Variants in OCA2 observed in about 807,000 individuals in gnomAD.
OCA2 encodes P protein.
Under a neutral mutation model 100.2 loss-of-function variants are expected in OCA2, and 77 were observed. That is an observed-to-expected ratio of 0.77 (90% CI 0.64 to 0.93). OCA2 has a LOEUF of 0.93. Among genes scored for constraint, OCA2 ranks in the 40% least tolerant of loss-of-function variants. The probability of loss-of-function intolerance (pLI) is 0.00; values close to 1 mark genes in which losing one functional copy is unlikely to be tolerated. For synonymous variants in OCA2, 432 were observed against 439.2 expected (o/e 0.98, Z 0.21); for missense variants, 1,062 against 1,089.1 (o/e 0.98, Z 0.35).
intron 9 of OCA2, among the ~76,000 whole-genome samples, chr15:27,996,056 C>T (rs575377881): frequency 6.6e-6 from 1 of 152,098 alleles, no homozygotes; most frequent in Non-Finnish European, 1.5e-5. Flanking sequence ...CATGATCCGC[C>T]CACCTCAGCC....
chr15:28,030,657 TG>T (rs1368497435), intron 3 of OCA2, among the ~76,000 whole-genome samples: 3 of 152,174 alleles, frequency 2.0e-5, no homozygotes, highest in Non-Finnish European at 4.4e-5. Context: ...GGCTGCAGAC[TG>T]GGCTGGGGAG....
intron 23 of OCA2, among the ~76,000 whole-genome samples, chr15:27,806,625 G>T (rs984537906): frequency 6.6e-6 from 1 of 152,226 alleles, no homozygotes; most frequent in East Asian, 1.9e-4. Flanking sequence ...GCTCTCCTGC[G>T]CCTCGGCCTG....
rs191506982 is a variant in OCA2, at chr15:27,897,419, A to G, written c.2080-25497T>C. Among the ~76,000 whole-genome samples, 408 of 151,852 alleles carry G rather than the reference A, an allele frequency of 2.7e-3. 2 individuals carry two copies. Among genetic ancestry groups the G allele is most frequent in the African/African-American group, 9.5e-3 (394 of 41,408 alleles). On this transcript the variant is annotated intron_variant, in intron 19 of 23. Coordinates refer to ENST00000354638, the MANE Select transcript of OCA2 (RefSeq NM_000275.3). The stretch of plus-strand genomic sequence containing the variant: ...CAGGGACTTGGTGCCCTGCATTCCA[A>G]CCAGTCCAGCCATGGCTAAAAGGAG...
intron 1 of OCA2, among the ~76,000 whole-genome samples, chr15:28,084,724 T>A (rs914409681): frequency 6.6e-6 from 1 of 152,166 alleles, no homozygotes; most frequent in African/African-American, 2.4e-5. Context: ...GACTCAGGGC[T>A]GCAGCTTCTT....
intron 23 of OCA2, among the ~76,000 whole-genome samples, chr15:27,785,389 T>A (rs2032759890): frequency 6.6e-6 from 1 of 152,144 alleles, no homozygotes. Flanking sequence ...CATCAATATA[T>A]GAACGAATTA....
At chr15:27,757,695 G>C (rs2030495869) in intron 23 of OCA2, among the ~76,000 whole-genome samples, 1 of 152,170 alleles carries the variant, frequency 6.6e-6, no homozygotes, top group Non-Finnish European at 1.5e-5. Context: ...GTACCTAAGA[G>C]AGCTATGAGG....
chr15:27,958,046 T>A (rs1347251257), intron 15 of OCA2, among the ~76,000 whole-genome samples: 1 of 152,044 alleles, frequency 6.6e-6, no homozygotes, highest in African/African-American at 2.4e-5. Flanking sequence ...CACCAGGGCC[T>A]GTTGTGGGGT....
At chr15:27,906,935 G>A (rs2038201637) in intron 19 of OCA2, among the ~76,000 whole-genome samples, 1 of 152,168 alleles carries the variant, frequency 6.6e-6, no homozygotes, top group Non-Finnish European at 1.5e-5. Context: ...CATGGCAAAA[G>A]AGGAAGCAAG....
intron 19 of OCA2, among the ~76,000 whole-genome samples, chr15:27,920,994 A>G (rs1172991651): frequency 2.1e-5 from 3 of 142,852 alleles, no homozygotes; most frequent in Non-Finnish European, 4.6e-5. Flanking sequence ...GGAAGAGAAT[A>G]ATTTTTTTTA....
chr15:27,849,977 G>A (rs553778501), intron 22 of OCA2, among the ~76,000 whole-genome samples: 4 of 152,136 alleles, frequency 2.6e-5, no homozygotes, highest in African/African-American at 9.6e-5. Context: ...AGATTAAAAC[G>A]CTCCCAAGAC....
At chr15:27,872,875 A>T (rs956603983) in intron 19 of OCA2, among the ~76,000 whole-genome samples, 1 of 151,964 alleles carries the variant, frequency 6.6e-6, no homozygotes, top group African/African-American at 2.4e-5. Flanking sequence ...TTTTTAGTAG[A>T]GATGGGGCTT....
At chr15:27,754,873 C>T (rs964763966), downstream of OCA2, 1 of 171,264 alleles carries the variant, frequency 5.8e-6, no homozygotes, top group Non-Finnish European at 1.3e-5. Context: ...TACTCCAAAG[C>T]CTTTTATCAA....
rs778788354 is a variant in OCA2, at chr15:27,926,246, C to T, written c.1960G>A (p.Ala654Thr). 1 of 1,614,014 alleles carries T rather than the reference C, an allele frequency of 6.2e-7. No homozygotes were observed. Among genetic ancestry groups the T allele is most frequent in the South Asian group, 1.1e-5 (1 of 91,080 alleles). ...PGIHLDLGWI[A>T]ILGAIWLLIL... ...AGCAACCAGATGGCACCCAGAATAG[C>T]AATCCATCCTGAAAATAAGTAAATA... is the stretch of plus-strand genomic sequence containing the variant. Residue 654 changes from alanine to threonine, a missense_variant, in exon 19 of 24, where the codon GCT becomes ACT. Coordinates refer to ENST00000354638, the MANE Select transcript of OCA2 (RefSeq NM_000275.3).
intron 16 of OCA2, among the ~76,000 whole-genome samples, chr15:27,955,889 T>C (rs898520569): frequency 6.6e-6 from 1 of 152,050 alleles, no homozygotes; most frequent in African/African-American, 2.4e-5. Context: ...AGCCCACCCC[T>C]CCTGGCTGAC....
intron 1 of OCA2, among the ~76,000 whole-genome samples, chr15:28,095,916 A>G (rs2044969484): frequency 6.6e-6 from 1 of 152,110 alleles, no homozygotes; most frequent in Non-Finnish European, 1.5e-5. Context: ...TCCCCTCCCC[A>G]CAAAGCGCTG....
rs1316106767 is a variant in OCA2, at chr15:27,757,555, C to G, written c.2433-2083G>C. On this transcript the variant is annotated intron_variant, in intron 23 of 23. Transcript: ENST00000354638. The stretch of plus-strand genomic sequence containing the variant: ...CCCAAATGCATTTTCCCAACAGAGA[C>G]AGGTACCACAATACACTAGCTTAGG... 2.0e-5 allele frequency among the ~76,000 whole-genome samples: 3 copies of G among 152,252 alleles called. No homozygotes were observed. In the East Asian group the frequency reaches 5.8e-4, roughly 29 times the overall value.
intron 2 of OCA2, among the ~76,000 whole-genome samples, chr15:28,072,591 A>G (rs2044298412): frequency 7.6e-6 from 1 of 131,222 alleles, no homozygotes; most frequent in Non-Finnish European, 1.5e-5. Context: ...TTCCGTCTCA[A>G]AAAAAAAAAA....
At chr15:28,084,429 C>A (rs2044738829) in intron 1 of OCA2, among the ~76,000 whole-genome samples, 2 of 152,224 alleles carry the variant, frequency 1.3e-5, no homozygotes, top group African/African-American at 4.8e-5. Flanking sequence ...TCTGGTCCAG[C>A]AAACACCCTC....
chr15:27,805,752 G>C (rs1007036614), intron 23 of OCA2, among the ~76,000 whole-genome samples: 1 of 152,246 alleles, frequency 6.6e-6, no homozygotes, highest in Admixed American at 6.5e-5. Flanking sequence ...GCGCTGCCTG[G>C]AGAAGACCCT....
Sources: allele counts gnomAD v4.1 joint callset (sites outside exome capture counted in the v4.1 genomes callset), GRCh38; gene constraint gnomAD v4.1.1; transcripts MANE v1.5; gene names NCBI Gene and HGNC (gene_info 2026-07-23, HGNC 2026-07-21).